Variants in NCALD observed in about 807,000 individuals in gnomAD.
The protein encoded by NCALD is neurocalcin delta.
A neutral mutation model predicts 18.6 loss-of-function variants in NCALD; 10 were observed. The observed-to-expected ratio is 0.54, with a 90% CI of 0.33 to 0.91. NCALD has a LOEUF of 0.91. Among genes scored for constraint, NCALD ranks in the 40% least tolerant of loss-of-function variants. The pLI is 0.03. For synonymous variants in NCALD, 88 were observed against 87.4 expected (o/e 1.01, Z -0.04); for missense variants, 184 against 247.6 (o/e 0.74, Z 1.72).
intron 4 of NCALD, among the ~76,000 whole-genome samples, chr8:101,856,048 G>A (rs566388300): frequency 6.6e-6 from 1 of 152,272 alleles, no homozygotes; most frequent in East Asian, 1.9e-4. Context: ...GGACACCAGG[G>A]GTTCCCTGGA....
At chr8:101,936,190 G>A (rs1818757942) in intron 2 of NCALD, among the ~76,000 whole-genome samples, 1 of 152,182 alleles carries the variant, frequency 6.6e-6, no homozygotes, top group Non-Finnish European at 1.5e-5. Flanking sequence ...AATTGACTAA[G>A]GAGATTTAGT....
At chr8:101,891,863 C>A (rs557491414) in intron 3 of NCALD, among the ~76,000 whole-genome samples, 1 of 152,214 alleles carries the variant, frequency 6.6e-6, no homozygotes, top group Non-Finnish European at 1.5e-5. Flanking sequence ...GAGGGTCCTA[C>A]GCCCACGGAA....
chr8:101,739,435 T>G (rs1810089591), intron 1 of NCALD, among the ~76,000 whole-genome samples: 1 of 152,222 alleles, frequency 6.6e-6, no homozygotes, highest in Non-Finnish European at 1.5e-5. Flanking sequence ...GATTGAAGGA[T>G]GCAAAGTGTC....
chr8:101,898,243 GT>G (rs1817282927), intron 3 of NCALD, among the ~76,000 whole-genome samples: 1 of 152,200 alleles, frequency 6.6e-6, no homozygotes, highest in African/African-American at 2.4e-5. Context: ...TAATAGGTGT[GT>G]GGTGCTATCT....
At chr8:102,040,664 G>A (rs974020383) in intron 1 of NCALD, among the ~76,000 whole-genome samples, 1 of 150,796 alleles carries the variant, frequency 6.6e-6, no homozygotes, top group Non-Finnish European at 1.5e-5. Context: ...CTCCAGAAAG[G>A]ATCCTGGGAT....
intron 1 of NCALD, among the ~76,000 whole-genome samples, chr8:102,036,827 G>A (rs1026765583): frequency 5.9e-5 from 9 of 152,058 alleles, no homozygotes; most frequent in African/African-American, 2.2e-4. Flanking sequence ...GACACATGAG[G>A]ATAAGGGGAA....
At chr8:101,811,787 G>A (rs1487087716) in intron 4 of NCALD, among the ~76,000 whole-genome samples, 1 of 152,162 alleles carries the variant, frequency 6.6e-6, no homozygotes, top group East Asian at 1.9e-4. Flanking sequence ...CCTCCCAGAG[G>A]TAAAAGGTTG....
chr8:101,757,821 G>T (rs775891814), intron 1 of NCALD, among the ~76,000 whole-genome samples: 4 of 152,118 alleles, frequency 2.6e-5, no homozygotes, highest in Non-Finnish European at 4.4e-5. Context: ...TGAAGTAAAT[G>T]TGAACATAAT....
At chr8:101,726,487 T>G (rs548773779) in intron 1 of NCALD, among the ~76,000 whole-genome samples, 1 of 152,078 alleles carries the variant, frequency 6.6e-6, no homozygotes, top group Non-Finnish European at 1.5e-5. Context: ...ATGGTTCATA[T>G]GTAAGATGTG....
At chr8:102,024,228 A>G (rs1036249202) in intron 1 of NCALD, among the ~76,000 whole-genome samples, 1 of 152,262 alleles carries the variant, frequency 6.6e-6, no homozygotes, top group Non-Finnish European at 1.5e-5. Context: ...AAACTGTGGC[A>G]AAGTCAAATG....
intron 4 of NCALD, among the ~76,000 whole-genome samples, chr8:101,855,854 A>G (rs1183786093): frequency 1.3e-5 from 2 of 152,182 alleles, no homozygotes; most frequent in African/African-American, 2.4e-5. Context: ...TAACATAGCA[A>G]TTGTATTGTT....
At chr8:102,075,908 C>T (rs1824327877) in intron 1 of NCALD, among the ~76,000 whole-genome samples, 1 of 151,248 alleles carries the variant, frequency 6.6e-6, no homozygotes, top group Admixed American at 6.6e-5. Flanking sequence ...GCCGAGATTC[C>T]ACCGTGGCAC....
intron 2 of NCALD, among the ~76,000 whole-genome samples, chr8:101,983,379 G>A (rs575423640): frequency 2.1e-4 from 32 of 152,236 alleles, no homozygotes; most frequent in African/African-American, 4.3e-4. Flanking sequence ...CCAGGACTCC[G>A]TCCCTATGCC....
rs28522053 is a variant in NCALD at position 101,739,729 on chromosome 8, C to G, written c.-19-20081G>C. On this transcript the variant is annotated intron_variant, in intron 1 of 3. Coordinates refer to ENST00000220931, the MANE Select transcript of NCALD (RefSeq NM_032041.3). Reference sequence around the variant, plus strand: ...GATTTGCCAGGGTCTCTCAGGCCTTCAGCCACAGACTGAAGGGTGCACTGT... The same window carrying G: ...GATTTGCCAGGGTCTCTCAGGCCTTGAGCCACAGACTGAAGGGTGCACTGT... 8.9e-3 allele frequency among the ~76,000 whole-genome samples: 1,360 copies of G among 152,294 alleles called. 9 individuals are homozygous for G. The highest frequency in any genetic ancestry group is 0.034 in the Middle Eastern group (10 of 294).
intron 3 of NCALD, chr8:101,691,726 C>T: frequency 3.0e-6 from 3 of 985,322 alleles, no homozygotes; most frequent in Non-Finnish European, 3.6e-6. Flanking sequence ...AGGCCCATAC[C>T]ACACAAACCC....
intron 1 of NCALD, among the ~76,000 whole-genome samples, chr8:102,081,144 G>A (rs1020027249): frequency 6.6e-6 from 1 of 152,070 alleles, no homozygotes; most frequent in Non-Finnish European, 1.5e-5. Flanking sequence ...AGCAATAAAA[G>A]GGTTCTTTTA....
At chr8:101,951,464 G>A (rs753116952) in intron 2 of NCALD, among the ~76,000 whole-genome samples, 1 of 152,106 alleles carries the variant, frequency 6.6e-6, no homozygotes, top group Non-Finnish European at 1.5e-5. Flanking sequence ...TGTCAGGGAG[G>A]GAGCGTACCA....
At chr8:102,075,442 A>G (rs1824312032) in intron 1 of NCALD, among the ~76,000 whole-genome samples, 1 of 152,188 alleles carries the variant, frequency 6.6e-6, no homozygotes, top group Non-Finnish European at 1.5e-5. Context: ...GGATTGTCTA[A>G]TACTATAATA....
chr8:101,973,855 C>T (rs1042093826), intron 2 of NCALD, among the ~76,000 whole-genome samples: 9 of 152,170 alleles, frequency 5.9e-5, no homozygotes, highest in Non-Finnish European at 1.5e-5. Context: ...CTGCACTTCA[C>T]GTATTTATTG....
Sources: gnomAD v4.1 joint callset for allele counts (sites outside exome capture counted in the v4.1 genomes callset) on GRCh38, gnomAD v4.1.1 for gene constraint, MANE v1.5 for transcripts, NCBI Gene and HGNC (gene_info 2026-07-23, HGNC 2026-07-21) for gene names.